The following FHIT variants were observed in gnomAD, a reference collection of about 807,000 sequenced individuals.
FHIT encodes the protein fragile histidine triad diadenosine triphosphatase.
Under a neutral mutation model 17.9 loss-of-function variants are expected in FHIT, and 19 were observed. The observed-to-expected ratio is 1.06, with a 90% CI of 0.74 to 1.56. The LOEUF (loss-of-function observed/expected upper bound fraction) is 1.56. Ranked by LOEUF, FHIT falls within the 40% of genes most tolerant of loss-of-function variation. The pLI, the probability that FHIT is intolerant of heterozygous loss-of-function variation, is 0.00. For synonymous variants in FHIT, 81 were observed against 69.7 expected (o/e 1.16, Z -0.81); for missense variants, 248 against 189.2 (o/e 1.31, Z -1.82).
intron 7 of FHIT, among the ~76,000 whole-genome samples, chr3:59,975,504 T>C (rs542750452): frequency 1.3e-5 from 2 of 152,122 alleles, no homozygotes; most frequent in African/African-American, 2.4e-5. Context: ...TTTCTTTCTA[T>C]TATTTTTATA....
intron 8 of FHIT, among the ~76,000 whole-genome samples, chr3:59,912,810 T>C (rs1000076976): frequency 6.6e-6 from 1 of 152,222 alleles, no homozygotes; most frequent in Non-Finnish European, 1.5e-5. Context: ...GCCTACAAGA[T>C]ATTTATGGTC....
chr3:61,221,276 G>C (rs1316009509), intron 1 of FHIT, among the ~76,000 whole-genome samples: 2 of 152,250 alleles, frequency 1.3e-5, no homozygotes, highest in African/African-American at 4.8e-5. Flanking sequence ...TGTTTTCTCA[G>C]AACGGGATGA....
At chr3:60,732,230 T>A (rs782567525) in intron 4 of FHIT, 1 of 839,436 alleles carries the variant, frequency 1.2e-6, no homozygotes, top group Admixed American at 1.7e-5. Context: ...GCCTCCATGA[T>A]ATTCATGCCT....
At chr3:61,092,472 C>T (rs1248392721) in intron 2 of FHIT, among the ~76,000 whole-genome samples, 1 of 151,680 alleles carries the variant, frequency 6.6e-6, no homozygotes, top group Non-Finnish European at 1.5e-5. Flanking sequence ...AAAAAGGCCC[C>T]AGAGCTCTAA....
chr3:60,170,009 T>C (rs945842760), intron 5 of FHIT, among the ~76,000 whole-genome samples: 25 of 152,332 alleles, frequency 1.6e-4, no homozygotes, highest in African/African-American at 6.0e-4. Context: ...GCATTCCTCC[T>C]GATTTTCCTT....
At chr3:60,747,450 C>T (rs1553715680) in intron 4 of FHIT, among the ~76,000 whole-genome samples, 1 of 152,112 alleles carries the variant, frequency 6.6e-6, no homozygotes, top group African/African-American at 2.4e-5. Context: ...GCCCCTAGCA[C>T]ACCATGAAAC....
chr3:60,567,442 T>A (rs2037179855), intron 4 of FHIT, among the ~76,000 whole-genome samples: 3 of 152,202 alleles, frequency 2.0e-5, no homozygotes, highest in African/African-American at 7.2e-5. Flanking sequence ...TTACACCTTA[T>A]ACAAAAATTA....
chr3:60,892,238 T>C (rs538580941), intron 3 of FHIT, among the ~76,000 whole-genome samples: 3 of 152,326 alleles, frequency 2.0e-5, no homozygotes, highest in Non-Finnish European at 1.5e-5. Context: ...ATAATAGCAA[T>C]AGTAGATGTA....
chr3:60,844,881 C>A (rs905274727), intron 3 of FHIT, among the ~76,000 whole-genome samples: 2 of 152,078 alleles, frequency 1.3e-5, no homozygotes, highest in African/African-American at 4.8e-5. Context: ...TCTTGGTCCC[C>A]TATGACCCCC....
chr3:60,778,448 G>C (rs1388440057), intron 4 of FHIT, among the ~76,000 whole-genome samples: 1 of 152,188 alleles, frequency 6.6e-6, no homozygotes, highest in African/African-American at 2.4e-5. Flanking sequence ...AAATGCTCAT[G>C]ATTATCAAGC....
chr3:60,941,143 A>G (rs750560321), intron 3 of FHIT, among the ~76,000 whole-genome samples: 12 of 152,352 alleles, frequency 7.9e-5, no homozygotes, highest in Non-Finnish European at 1.5e-4. Context: ...CAGCATGTAT[A>G]TTCCACTTAC....
intron 5 of FHIT, among the ~76,000 whole-genome samples, chr3:60,401,664 G>A (rs1359183371): frequency 6.6e-6 from 1 of 152,088 alleles, no homozygotes; most frequent in East Asian, 1.9e-4. Flanking sequence ...TACCTTATAA[G>A]TAATCCCATT....
At chr3:60,287,529 T>C (rs1011561250) in intron 5 of FHIT, among the ~76,000 whole-genome samples, 1 of 152,206 alleles carries the variant, frequency 6.6e-6, no homozygotes. Context: ...GACAGTTTAT[T>C]AGTATTGCTT....
At chr3:60,601,637 G>A (rs1330657369) in intron 4 of FHIT, among the ~76,000 whole-genome samples, 1 of 152,094 alleles carries the variant, frequency 6.6e-6, no homozygotes, top group Non-Finnish European at 1.5e-5. Context: ...TGACTACCAT[G>A]CAAACTTACT....
chr3:60,417,833 C>A (rs1306505928), intron 5 of FHIT, among the ~76,000 whole-genome samples: 1 of 152,130 alleles, frequency 6.6e-6, no homozygotes, highest in African/African-American at 2.4e-5. Flanking sequence ...GCATCTCAGG[C>A]TGTAATGGAT....
At chr3:60,382,292 G>T (rs1274094299) in intron 5 of FHIT, among the ~76,000 whole-genome samples, 1 of 152,194 alleles carries the variant, frequency 6.6e-6, no homozygotes. Context: ...ACTTGCATTA[G>T]CAGCAGTATA....
At chr3:60,945,020 A>G (rs1335798172) in intron 3 of FHIT, among the ~76,000 whole-genome samples, 1 of 152,194 alleles carries the variant, frequency 6.6e-6, no homozygotes, top group East Asian at 1.9e-4. Context: ...TTATAATACA[A>G]CATCAGGGAG....
At chr3:60,931,947 G>C (rs1225064906) in intron 3 of FHIT, among the ~76,000 whole-genome samples, 2 of 152,040 alleles carry the variant, frequency 1.3e-5, no homozygotes, top group African/African-American at 4.8e-5. Context: ...AGAGCACAAG[G>C]GTGTGATATG....
rs79651231 is a variant in FHIT, at chr3:60,438,979, G to A, written c.103+97881C>T. 4.0e-3 allele frequency among the ~76,000 whole-genome samples: 611 copies of A among 152,168 alleles called. 3 individuals are homozygous for A. Among genetic ancestry groups the A allele is most frequent in the African/African-American group, 0.014 (577 of 41,536 alleles). On this transcript the variant is annotated intron_variant, in intron 5 of 9. Coordinates refer to ENST00000492590, the MANE Select transcript of FHIT (RefSeq NM_002012.4). ...AATATAAGAGACTGATGAAATATGC[G>A]GAAGAAAATAGAGCCATTGCTTCCA...
Sources: gnomAD v4.1 joint callset for allele counts (sites outside exome capture counted in the v4.1 genomes callset) on GRCh38, gnomAD v4.1.1 for gene constraint, MANE v1.5 for transcripts, NCBI Gene and HGNC (gene_info 2026-07-23, HGNC 2026-07-21) for gene names.